The following FAM168A variants were observed in gnomAD, a reference collection of about 807,000 sequenced individuals.
FAM168A encodes the protein family with sequence similarity 168 member A.
In FAM168A, 3 loss-of-function variants were observed where a neutral mutation model predicts 28.5. The observed-to-expected ratio is 0.11, with a 90% CI of 0.05 to 0.27. The LOEUF is 0.27. FAM168A is among the 10% of genes least tolerant of loss of function. FAM168A has a pLI of 1.00. For synonymous variants in FAM168A, 122 were observed against 124.2 expected, an observed-to-expected ratio of 0.98 and a Z score of 0.12; for missense variants, 222 against 311.5, an observed-to-expected ratio of 0.71 and a Z score of 2.16.
intron 1 of FAM168A, among the ~76,000 whole-genome samples, chr11:73,596,740 G>A (rs1034196149): frequency 6.6e-6 from 1 of 151,700 alleles, no homozygotes; most frequent in African/African-American, 2.4e-5. Flanking sequence ...ATTCCCCCCT[G>A]CTCTCCAGCA....
At chr11:73,527,809 T>C (rs1416449212) in intron 1 of FAM168A, among the ~76,000 whole-genome samples, 1 of 150,972 alleles carries the variant, frequency 6.6e-6, no homozygotes, top group Non-Finnish European at 1.5e-5. Flanking sequence ...TTATATAGAG[T>C]ATGCAGTTAA....
At chr11:73,558,180 A>G (rs1025660281) in intron 1 of FAM168A, among the ~76,000 whole-genome samples, 1 of 152,202 alleles carries the variant, frequency 6.6e-6, no homozygotes, top group Non-Finnish European at 1.5e-5. Flanking sequence ...ATCAAACGAT[A>G]TTATCAAAAA....
intron 1 of FAM168A, among the ~76,000 whole-genome samples, chr11:73,507,200 T>C (rs1855133626): frequency 6.6e-6 from 1 of 152,234 alleles, no homozygotes; most frequent in Non-Finnish European, 1.5e-5. Context: ...ATTGTGTTCA[T>C]ATCTTTTTCT....
intron 2 of FAM168A, among the ~76,000 whole-genome samples, chr11:73,454,564 C>T (rs1342218737): frequency 6.6e-6 from 1 of 152,196 alleles, no homozygotes; most frequent in Non-Finnish European, 1.5e-5. Flanking sequence ...GAAACCCCAC[C>T]CTCAAGCCAA....
chr11:73,489,240 A>G (rs1007621509), intron 1 of FAM168A, among the ~76,000 whole-genome samples: 1 of 151,926 alleles, frequency 6.6e-6, no homozygotes, highest in African/African-American at 2.4e-5. Flanking sequence ...GAGTTGGGTT[A>G]TTTTCTTCTT....
intron 1 of FAM168A, among the ~76,000 whole-genome samples, chr11:73,592,401 C>T (rs1164553977): frequency 3.3e-5 from 5 of 152,178 alleles, no homozygotes; most frequent in Non-Finnish European, 7.3e-5. Flanking sequence ...TAAAGATATG[C>T]ATAACTGTCC....
chr11:73,424,065 G>C (rs985167714), intron 3 of FAM168A, among the ~76,000 whole-genome samples: 20 of 152,068 alleles, frequency 1.3e-4, no homozygotes, highest in African/African-American at 4.8e-4. Context: ...AATTATAAGA[G>C]GACAGTGTAT....
At chr11:73,505,872 A>G (rs986608615) in intron 1 of FAM168A, among the ~76,000 whole-genome samples, 1 of 152,162 alleles carries the variant, frequency 6.6e-6, no homozygotes, top group South Asian at 2.1e-4. Flanking sequence ...CTCCCTTGAG[A>G]CACTGACTTC....
At chr11:73,593,093 T>C (rs913375949) in intron 1 of FAM168A, among the ~76,000 whole-genome samples, 3 of 152,164 alleles carry the variant, frequency 2.0e-5, no homozygotes, top group African/African-American at 4.8e-5. Context: ...GTAAAAAATA[T>C]ACTGTTTAGG....
chr11:73,560,103 T>C (rs1445717308), intron 1 of FAM168A, among the ~76,000 whole-genome samples: 1 of 152,082 alleles, frequency 6.6e-6, no homozygotes, highest in Non-Finnish European at 1.5e-5. Context: ...TCACTCTGTC[T>C]CCCAGGCTGG....
chr11:73,544,952 ATATT>A (rs1943717310), intron 1 of FAM168A, among the ~76,000 whole-genome samples: 2 of 94,284 alleles, frequency 2.1e-5, no homozygotes, highest in Non-Finnish European at 3.7e-5. Context: ...AATATATAAT[ATATT>A]ATATATAATA....
intron 1 of FAM168A, among the ~76,000 whole-genome samples, chr11:73,519,132 C>T (rs1019007224): frequency 2.6e-5 from 4 of 152,184 alleles, no homozygotes; most frequent in Non-Finnish European, 5.9e-5. Context: ...TCCCATCCCA[C>T]ATGCTCTACC....
chr11:73,569,654 T>C (rs1944062773), intron 1 of FAM168A, among the ~76,000 whole-genome samples: 1 of 151,966 alleles, frequency 6.6e-6, no homozygotes, highest in South Asian at 2.1e-4. Flanking sequence ...AAACCCTGTC[T>C]CTACTAAAAA....
At chr11:73,432,095 T>C (rs1383679436) in intron 2 of FAM168A, among the ~76,000 whole-genome samples, 2 of 152,242 alleles carry the variant, frequency 1.3e-5, no homozygotes, top group African/African-American at 2.4e-5. Context: ...TGTTGTAACA[T>C]GTACCAAAAC....
Position 73,495,222 on chromosome 11 carries a change from G to A in FAM168A, c.-18-26730C>T, listed in dbSNP as rs937518825. The stretch of plus-strand genomic sequence containing the variant: ...CAGGCACCTGTAGTCCCAGCTACTC[G>A]GGAGGCTGAGGCAGGAGAATGGCGT... On this transcript the variant is annotated intron_variant, in intron 1 of 7. Transcript: ENST00000356467. Among the ~76,000 whole-genome samples the A allele has an allele frequency of 1.4e-4, 22 of 152,020 alleles. No homozygotes were observed. The East Asian group carries it at 3.5e-3, about 24-fold the overall frequency.
chr11:73,578,780 G>C (rs1944206529), intron 1 of FAM168A, among the ~76,000 whole-genome samples: 1 of 152,112 alleles, frequency 6.6e-6, no homozygotes, highest in South Asian at 2.1e-4. Flanking sequence ...AAAGTCTTTG[G>C]CATCACACAA....
rs751197293 is a variant in FAM168A at position 73,468,504 on chromosome 11, A to G, written c.-18-12T>C. On this transcript the variant is annotated splice_polypyrimidine_tract_variant and intron_variant, in intron 1 of 7. Coordinates refer to ENST00000356467, the MANE Select transcript of FAM168A (RefSeq NM_015159.3). ...GAAGACTGAGGATCCTACAGAGAAA[A>G]CAAAGAAAACAGCACTGATATTGAT... 1 of 1,589,060 alleles carries G rather than the reference A, an allele frequency of 6.3e-7. No individual in the cohort carries two copies. Among genetic ancestry groups the G allele is most frequent in the South Asian group, 1.1e-5 (1 of 90,456 alleles).
At chr11:73,470,606 GCTCT>G (rs1867800725) in intron 1 of FAM168A, among the ~76,000 whole-genome samples, 1 of 152,146 alleles carries the variant, frequency 6.6e-6, no homozygotes, top group Admixed American at 6.5e-5. Flanking sequence ...GCCCCCTCTT[GCTCT>G]CTGTCACCCT....
At chr11:73,461,396 G>C (rs989695694) in intron 2 of FAM168A, among the ~76,000 whole-genome samples, 1 of 152,140 alleles carries the variant, frequency 6.6e-6, no homozygotes. Flanking sequence ...GGGATTACAG[G>C]TATGAGCCAC....
Sources: allele counts gnomAD v4.1 joint callset (sites outside exome capture counted in the v4.1 genomes callset), GRCh38; gene constraint gnomAD v4.1.1; transcripts MANE v1.5; gene names NCBI Gene and HGNC (gene_info 2026-07-23, HGNC 2026-07-21).